Variants in PTPN22 observed in about 807,000 individuals in gnomAD.
PTPN22 encodes the protein tyrosine-protein phosphatase non-receptor type 22.
In PTPN22, 85 loss-of-function variants were observed where a neutral mutation model predicts 103.3. The observed-to-expected ratio is 0.82, with a 90% CI of 0.69 to 0.99. The LOEUF is 0.99. Ranked by LOEUF, PTPN22 falls within the 50% of genes least tolerant of loss-of-function variation. The pLI is 0.00. For missense variants in PTPN22, 865 were observed against 936.9 expected, an observed-to-expected ratio of 0.92 and a Z score of 1.00; for synonymous variants, 323 against 310.2, an observed-to-expected ratio of 1.04 and a Z score of -0.43.
At chr1:113,839,437 T>G (rs1571388472) in intron 11 of PTPN22, among the ~76,000 whole-genome samples, 2 of 151,842 alleles carry the variant, frequency 1.3e-5, no homozygotes, top group South Asian at 4.2e-4. Context: ...TTACCCAGGC[T>G]GGAGTGCAGT....
At chr1:113,841,528 T>A (rs958124679) in intron 11 of PTPN22, among the ~76,000 whole-genome samples, 1 of 151,424 alleles carries the variant, frequency 6.6e-6, no homozygotes, top group African/African-American at 2.4e-5. Flanking sequence ...GCAAATCACA[T>A]ATCTGATAAG....
At chr1:113,828,781 A>G (rs1030463258) in intron 18 of PTPN22, among the ~76,000 whole-genome samples, 1 of 152,070 alleles carries the variant, frequency 6.6e-6, no homozygotes, top group Non-Finnish European at 1.5e-5. Flanking sequence ...GACTGCAGGC[A>G]CACAGCACCA....
intron 1 of PTPN22, among the ~76,000 whole-genome samples, chr1:113,864,754 C>A (rs866543729): frequency 2.7e-5 from 4 of 149,906 alleles, no homozygotes; most frequent in African/African-American, 9.8e-5. Context: ...CTACTAAAAA[C>A]ACAAAAAATT....
At chr1:113,824,207 TCCTCCTGC>T (rs1661855798) in intron 19 of PTPN22, among the ~76,000 whole-genome samples, 1 of 151,580 alleles carries the variant, frequency 6.6e-6, no homozygotes, top group Non-Finnish European at 1.5e-5. Context: ...GTTCAAGCAA[TCCTCCTGC>T]CCCAGCCTTC....
In PTPN22 at chr1:113,854,992, A is replaced by G; in HGVS notation, c.598T>C (p.Ser200Pro). Residue 200 changes from serine to proline, a missense_variant, in exon 8 of 21, where the codon TCA becomes CCA. By Grantham distance (74) the Ser-to-Pro change is moderately conservative. Around this residue, in one of 3 missense-constraint regions of PTPN22, gnomAD observed 457 missense variants for 529.1 expected, o/e 0.86. Coordinates refer to ENST00000359785, the Ensembl canonical transcript of PTPN22. ...AGCTCAAGAATAGGGTCTATAGATG[A>G]AGGTACATCATGGTCTGGCCAATTC... 3 of 1,607,770 alleles carry G rather than the reference A, an allele frequency of 1.9e-6. No homozygotes were observed. Among genetic ancestry groups the G allele is most frequent in the Non-Finnish European group, 2.6e-6 (3 of 1,174,196 alleles).
intron 11 of PTPN22, among the ~76,000 whole-genome samples, chr1:113,848,272 C>T (rs536996033): frequency 7.1e-4 from 108 of 151,920 alleles, no homozygotes; most frequent in African/African-American, 2.6e-3. Context: ...TCTTGAACTC[C>T]TGACCTCAGG....
intron 1 of PTPN22, among the ~76,000 whole-genome samples, chr1:113,868,035 A>G (rs986563828): frequency 6.6e-6 from 1 of 152,238 alleles, no homozygotes; most frequent in South Asian, 2.1e-4. Context: ...TGTAAATGCT[A>G]GATAAATTGT....
chr1:113,816,968 G>C (rs1217278416), intron 20 of PTPN22, among the ~76,000 whole-genome samples: 1 of 152,038 alleles, frequency 6.6e-6, no homozygotes, highest in East Asian at 1.9e-4. Flanking sequence ...AAGAGAAGGA[G>C]AGTAGGGAAG....
chr1:113,843,447 A>G (rs1187579915), intron 11 of PTPN22, among the ~76,000 whole-genome samples: 1 of 152,222 alleles, frequency 6.6e-6, no homozygotes, highest in Non-Finnish European at 1.5e-5. Context: ...GACAAATACT[A>G]TATGATTCCA....
chr1:113,831,686 A>G (rs529861649), intron 16 of PTPN22, among the ~76,000 whole-genome samples: 14 of 152,256 alleles, frequency 9.2e-5, no homozygotes, highest in Admixed American at 3.3e-4. Flanking sequence ...CTGTCTATAC[A>G]AATTATTTAA....
chr1:113,819,577 CA>C lies in PTPN22; in HGVS notation c.2358del (p.Phe786LeufsTer29). On this transcript the variant is annotated frameshift_variant and splice_region_variant, in exon 20 of 21. Transcript: ENST00000359785. LOFTEE classifies it high-confidence loss of function. Reference sequence around the variant, plus strand: ...CTCTTCAGTAAAATAACACACATACCAAAATTCAGAAATGAGCTGGAGTTAT... The same window carrying C: ...CTCTTCAGTAAAATAACACACATACCAAATTCAGAAATGAGCTGGAGTTAT... 6.3e-7 allele frequency: 1 copy of C among 1,595,944 alleles called. No individual in the cohort carries two copies. The highest frequency in any genetic ancestry group is 8.6e-7 in the Non-Finnish European group (1 of 1,166,792).
intron 11 of PTPN22, among the ~76,000 whole-genome samples, chr1:113,842,405 G>T (rs555750510): frequency 6.6e-6 from 1 of 152,218 alleles, no homozygotes; most frequent in Non-Finnish European, 1.5e-5. Context: ...GCCAGGCGTG[G>T]TGGCTCACGC....
chr1:113,871,732 A>G (rs1389382002), upstream of PTPN22: 10 of 909,344 alleles, frequency 1.1e-5, no homozygotes, highest in Admixed American at 3.9e-5. Flanking sequence ...TGAGCAGAGC[A>G]TGCTGAAGGC....
chr1:113,854,332 C>T (rs993484082), intron 9 of PTPN22, 139 bp downstream of exon 9: 1 of 778,588 alleles, frequency 1.3e-6, no homozygotes, highest in Middle Eastern at 2.7e-4. Flanking sequence ...CTAATTTAAT[C>T]GTCTGACAGA....
At chr1:113,826,836 A>AT (rs1469047460) in intron 18 of PTPN22, among the ~76,000 whole-genome samples, 1 of 150,156 alleles carries the variant, frequency 6.7e-6, no homozygotes, top group Non-Finnish European at 1.5e-5. Flanking sequence ...CGCCCGGCTA[A>AT]TTTTTTGTAT....
In PTPN22 at chr1:113,851,221, C is replaced by T. The variant is rs59190931; in HGVS notation, c.828+806G>A. On this transcript the variant is annotated intron_variant, in intron 10 of 20. Transcript: ENST00000359785. ...AGGCTGGAGTGCAGTCGTGTGATCT[C>T]GGCCCTCTGCAACCTCCACCTCGCA... is the stretch of plus-strand genomic sequence containing the variant. Among the ~76,000 whole-genome samples, 883 of 149,538 alleles carry T rather than the reference C, an allele frequency of 5.9e-3. 9 individuals carry two copies. The highest frequency in any genetic ancestry group is 0.021 in the African/African-American group (839 of 40,528).
intron 11 of PTPN22, among the ~76,000 whole-genome samples, chr1:113,845,200 G>T (rs150362000): frequency 4.6e-3 from 634 of 137,630 alleles, no homozygotes; most frequent in African/African-American, 0.011. Flanking sequence ...TTTTGTTTTT[G>T]TTTTTTTTTT....
chr1:113,831,206 T>A (rs914641586), intron 16 of PTPN22, among the ~76,000 whole-genome samples: 4 of 152,184 alleles, frequency 2.6e-5, no homozygotes, highest in African/African-American at 9.7e-5. Context: ...ACATTAAATC[T>A]AAATTCCTCT....
At chr1:113,856,424 T>C in exon 7 of PTPN22, 1 of 1,595,530 alleles carries the variant, frequency 6.3e-7, no homozygotes, top group Non-Finnish European at 8.5e-7. Flanking sequence ...TATAATCAGA[T>C]TTCCTTTTTT....
Sources: allele counts gnomAD v4.1 joint callset (sites outside exome capture counted in the v4.1 genomes callset), GRCh38; gene constraint gnomAD v4.1.1; regional missense constraint gnomAD v4.1.1; transcripts MANE v1.5; gene names NCBI Gene and HGNC (gene_info 2026-07-23, HGNC 2026-07-21).